The following COL6A3 variants were observed in gnomAD, a reference collection of about 807,000 sequenced individuals.
COL6A3 encodes the protein collagen type VI alpha 3 chain.
A neutral mutation model predicts 274.1 loss-of-function variants in COL6A3; 137 were observed. The ratio of observed to expected loss-of-function variants is 0.50; its 90% confidence interval spans 0.44 to 0.58. The LOEUF is 0.58. Ranked by LOEUF, COL6A3 falls within the 20% of genes least tolerant of loss-of-function variation. The probability of loss-of-function intolerance (pLI) is 0.00; values close to 1 mark genes in which losing one functional copy is unlikely to be tolerated. For missense variants in COL6A3, 3,950 were observed against 4,124.9 expected (o/e 0.96, Z 1.16); for synonymous variants, 1,650 against 1,650.6 (o/e 1.00, Z 0.01).
intron 7 of COL6A3, among the ~76,000 whole-genome samples, chr2:237,376,322 T>G (rs550086966): frequency 4.8e-4 from 73 of 152,354 alleles, no homozygotes; most frequent in African/African-American, 1.6e-3. Flanking sequence ...GGTGGAAAGT[T>G]ATCTACCTCT....
Position 237,368,329 on chromosome 2 carries a change from C to T in COL6A3, c.4900+234G>A, listed in dbSNP as rs1390796793. On this transcript the variant is annotated intron_variant, in intron 10 of 43. Transcript: ENST00000295550. This position sits in a 1 kb window ranked among gnomAD's most constrained non-coding sequence, Gnocchi z 4.4. ...TGAGTTTGTAATTATCTCAGTGCAA[C>T]ACTGCAGAACCTTTCAATGGGGCTA... Among the ~76,000 whole-genome samples, 1 of 152,206 alleles carries T rather than the reference C, an allele frequency of 6.6e-6. No individual in the cohort carries two copies. Among genetic ancestry groups the T allele is most frequent in the African/African-American group, 2.4e-5 (1 of 41,456 alleles).
chr2:237,372,866 A>G (rs550308172), intron 8 of COL6A3, among the ~76,000 whole-genome samples: 63 of 152,342 alleles, frequency 4.1e-4, no homozygotes, highest in African/African-American at 1.5e-3. Context: ...GCATTTTATC[A>G]TGGATGGAAC....
Position 237,374,610 on chromosome 2 carries a change from C to T in COL6A3, c.3481G>A (p.Val1161Met). 1.2e-6 allele frequency: 2 copies of T among 1,614,206 alleles called. No homozygotes were observed. Among genetic ancestry groups the T allele is most frequent in the Non-Finnish European group, 8.5e-7 (1 of 1,180,034 alleles). Residue 1161 changes from valine (V) to methionine (M), a missense_variant, in exon 8 of 44, where the codon GTG (valine) becomes ATG (methionine). This residue lies in a region of COL6A3 where 1,934 missense variants were observed against 1,984.3 expected (regional missense o/e 0.97). Transcript: ENST00000295550. The surrounding 1 kb of genome is among the most constrained non-coding windows in gnomAD (Gnocchi z 4.8). ...TTCCCGATGCCAATGCCAATGGGCA[C>T]AGCCCCACCCCTCTTCACGACCACG... ...PSVVVKRGGA[V>M]PIGIGIGNAD...
intron 1 of COL6A3, among the ~76,000 whole-genome samples, chr2:237,402,113 C>G (rs2078605928): frequency 2.0e-5 from 3 of 152,062 alleles, no homozygotes; most frequent in African/African-American, 7.2e-5. Flanking sequence ...GTGAAATAAG[C>G]CAGTCACTAA....
rs148038440 is a variant in COL6A3, at chr2:237,372,115, C to T, written c.3902G>A (p.Arg1301Gln). 337 of 1,614,056 alleles carry T rather than the reference C, an allele frequency of 2.1e-4. No homozygotes were observed. Among genetic ancestry groups the T allele is most frequent in the African/African-American group, 1.7e-3 (125 of 75,048 alleles). ...CTGCCGCCCTCCCTTGGGCCTCAGCCGCTGCACCGCGTTCTGCACTTCATC... is the reference window on the plus strand; with the variant it reads ...CTGCCGCCCTCCCTTGGGCCTCAGCTGCTGCACCGCGTTCTGCACTTCATC... The part of the protein sequence containing the change: ...SKDEVQNAVQ[R>Q]LRPKGGRQIN... The change falls in exon 9 of 44, where the codon CGG becomes CAG. Residue 1301 changes from arginine to glutamine, a missense_variant. Physicochemically the swap from Arg to Gln is conservative, Grantham distance 43. Around this residue, in one of 5 missense-constraint regions of COL6A3, gnomAD observed 1,934 missense variants for 1,984.3 expected, o/e 0.97. Coordinates refer to ENST00000295550, the MANE Select transcript of COL6A3 (RefSeq NM_004369.4).
chr2:237,383,038 A>G (rs1312225605), intron 4 of COL6A3, among the ~76,000 whole-genome samples: 2 of 152,148 alleles, frequency 1.3e-5, no homozygotes, highest in African/African-American at 4.8e-5. Context: ...ACCTTGAGTG[A>G]TCCACCTGCC....
At chr2:237,408,757 A>C (rs1175249600) in intron 1 of COL6A3, among the ~76,000 whole-genome samples, 1 of 152,178 alleles carries the variant, frequency 6.6e-6, no homozygotes. Flanking sequence ...GTAATTCATG[A>C]GTTTAAACTT....
chr2:237,404,363 A>G (rs750137479), intron 1 of COL6A3, among the ~76,000 whole-genome samples: 1 of 152,186 alleles, frequency 6.6e-6, no homozygotes, highest in Non-Finnish European at 1.5e-5. Flanking sequence ...AAGTTTAAGC[A>G]TCACTGCTTC....
chr2:237,342,375 T>C, intron 36 of COL6A3: 1 of 584,020 alleles, frequency 1.7e-6, no homozygotes. Context: ...CTGGAGTTCA[T>C]ATCCCGTTCA....
At chr2:237,354,862 T>A (rs371329160) in intron 24 of COL6A3, 37 bp downstream of exon 24, 18 of 1,604,636 alleles carry the variant, frequency 1.1e-5, no homozygotes, top group Non-Finnish European at 1.4e-5. Flanking sequence ...CTGGGCTGTT[T>A]GAAGAGAGTC....
chr2:237,383,118 G>A (rs1158956600), intron 4 of COL6A3, among the ~76,000 whole-genome samples: 1 of 152,172 alleles, frequency 6.6e-6, no homozygotes, highest in East Asian at 1.9e-4. Context: ...TTTTTGAAAT[G>A]CAGTTCATTT....
rs144314743 is a variant in COL6A3 at position 237,369,154 on chromosome 2, T to C, written c.4309A>G (p.Ile1437Val). The C allele has an allele frequency of 5.6e-6, 9 of 1,612,530 alleles. No individual in the cohort carries two copies. The highest frequency in any genetic ancestry group is 7.6e-6 in the Non-Finnish European group (9 of 1,180,024). ...PPAVESDAAD[I>V]VFLIDSSEGV... ...TCAGAGCTGTCGATCAGAAAGACAATGTCTGCAGCATCACTCTCAACTGCT... is the reference window on the plus strand; with the variant it reads ...TCAGAGCTGTCGATCAGAAAGACAACGTCTGCAGCATCACTCTCAACTGCT... Residue 1437 changes from isoleucine (I) to valine (V), a missense_variant, in exon 10 of 44, where the codon ATT becomes GTT. By Grantham distance (29) the Ile-to-Val change is conservative (BLOSUM62 3). This residue lies in a region of COL6A3 where 1,934 missense variants were observed against 1,984.3 expected (regional missense o/e 0.97). Transcript: ENST00000295550.
intron 40 of COL6A3, among the ~76,000 whole-genome samples, chr2:237,335,386 G>A (rs1700485646): frequency 6.6e-6 from 1 of 152,056 alleles, no homozygotes; most frequent in East Asian, 1.9e-4. Flanking sequence ...TCTTCTTTAG[G>A]AAAATGATAA....
At chr2:237,406,907 C>CTTTTT (rs1006109385) in intron 1 of COL6A3, among the ~76,000 whole-genome samples, 28 of 123,510 alleles carry the variant, frequency 2.3e-4, no homozygotes, top group African/African-American at 5.4e-4. Flanking sequence ...TCTTTTTTCC[C>CTTTTT]TTTTTTTTTT....
At position 237,388,090 on chromosome 2, in the gene COL6A3, GAGATT is replaced by G; in HGVS notation, c.799_803del (p.Asn267ProfsTer2). On this transcript the variant is annotated frameshift_variant, in exon 4 of 44. Coordinates refer to ENST00000295550, the MANE Select transcript of COL6A3 (RefSeq NM_004369.4). LOFTEE classifies it high-confidence loss of function. ...GAGTTCCAATTGGGAGTTTCTCAAG[GAGATT>G]TACAAGGAAGTCGAGAATGACTGCG... 6.2e-7 allele frequency: 1 copy of G among 1,614,224 alleles called. No individual in the cohort carries two copies. The highest frequency in any genetic ancestry group is 8.5e-7 in the Non-Finnish European group (1 of 1,180,046).
chr2:237,332,628 C>T (rs1325521369), intron 42 of COL6A3, among the ~76,000 whole-genome samples: 1 of 152,122 alleles, frequency 6.6e-6, no homozygotes, highest in East Asian at 1.9e-4. Flanking sequence ...ATGAATTGTC[C>T]CCTAGTTAGC....
chr2:237,357,699 G>A (rs192803356), intron 22 of COL6A3, 118 bp downstream of exon 22: 34 of 1,022,466 alleles, frequency 3.3e-5, no homozygotes, highest in Admixed American at 2.5e-4. Context: ...CTAATCTTAG[G>A]CTACGTTGCA....
intron 42 of COL6A3, 184 bp downstream of exon 42, chr2:237,333,265 TA>T: frequency 1.5e-6 from 1 of 655,058 alleles, no homozygotes; most frequent in Non-Finnish European, 2.7e-6. Flanking sequence ...ACAGGTAAAG[TA>T]AGACTCCATT....
At chr2:237,389,674 G>A (rs188887910) in intron 3 of COL6A3, among the ~76,000 whole-genome samples, 84 of 152,234 alleles carry the variant, frequency 5.5e-4, no homozygotes, top group Non-Finnish European at 2.9e-4. Flanking sequence ...TGCCAGGTTC[G>A]GAACTGCCCT....
Sources: gnomAD v4.1 joint callset for allele counts (sites outside exome capture counted in the v4.1 genomes callset) on GRCh38, gnomAD v4.1.1 for gene constraint, gnomAD v4.1.1 regional missense constraint, Gnocchi (gnomAD v3.1) non-coding constraint, MANE v1.5 for transcripts, NCBI Gene and HGNC (gene_info 2026-07-23, HGNC 2026-07-21) for gene names.